The following CSMD1 variants were observed in gnomAD, a reference collection of about 807,000 sequenced individuals.
The protein encoded by CSMD1 is CUB and sushi domain-containing protein 1.
A neutral mutation model predicts 417.5 loss-of-function variants in CSMD1; 213 were observed. That is an observed-to-expected ratio of 0.51 (90% confidence interval 0.46 to 0.57). The LOEUF (loss-of-function observed/expected upper bound fraction) is 0.57. CSMD1 is among the 20% of genes least tolerant of loss of function. The pLI, the probability that CSMD1 is intolerant of heterozygous loss-of-function variation, is 0.00. For missense variants in CSMD1, 6,923 were observed against 4,529.7 expected, an observed-to-expected ratio of 1.53 and a Z score of -15.17; for synonymous variants, 2,862 against 1,736.8, an observed-to-expected ratio of 1.65 and a Z score of -16.11.
At chr8:3,488,514 G>C (rs1405646627) in intron 11 of CSMD1, among the ~76,000 whole-genome samples, 2 of 152,148 alleles carry the variant, frequency 1.3e-5, no homozygotes, top group South Asian at 2.1e-4. Flanking sequence ...AAAATTTATA[G>C]CAGTATTAGC....
At chr8:3,755,642 T>C (rs1797616219) in intron 5 of CSMD1, among the ~76,000 whole-genome samples, 1 of 152,076 alleles carries the variant, frequency 6.6e-6, no homozygotes, top group Non-Finnish European at 1.5e-5. Context: ...ACTTATTCTA[T>C]TACCTGGAAG....
chr8:3,544,423 G>A (rs1798571000), intron 10 of CSMD1, among the ~76,000 whole-genome samples: 1 of 152,068 alleles, frequency 6.6e-6, no homozygotes, highest in African/African-American at 2.4e-5. Flanking sequence ...TACCTGGGAT[G>A]GAGGCGTTCT....
At chr8:3,601,378 G>T (rs550285223) in intron 8 of CSMD1, among the ~76,000 whole-genome samples, 2 of 152,262 alleles carry the variant, frequency 1.3e-5, no homozygotes, top group South Asian at 2.1e-4. Context: ...CAACGATGAG[G>T]TTTCCATATA....
At chr8:4,973,177 T>C (rs976613277) in intron 1 of CSMD1, among the ~76,000 whole-genome samples, 2 of 152,062 alleles carry the variant, frequency 1.3e-5, no homozygotes, top group Non-Finnish European at 1.5e-5. Flanking sequence ...TGCAGAACAC[T>C]TTATTACTTT....
chr8:3,994,002 G>A, intron 5 of CSMD1, among the ~76,000 whole-genome samples: 1 of 152,142 alleles, frequency 6.6e-6, no homozygotes, highest in East Asian at 1.9e-4. Context: ...CAAGGGGATG[G>A]GCGTGCCTGG....
At chr8:3,625,541 A>T (rs977820179) in intron 7 of CSMD1, among the ~76,000 whole-genome samples, 8 of 152,206 alleles carry the variant, frequency 5.3e-5, no homozygotes, top group African/African-American at 1.4e-4. Flanking sequence ...CTGGTCTCTA[A>T]CTCAACTGCC....
intron 2 of CSMD1, among the ~76,000 whole-genome samples, chr8:4,426,584 G>A (rs1297088273): frequency 2.1e-5 from 3 of 141,212 alleles, no homozygotes; most frequent in African/African-American, 2.6e-5. Context: ...TACACAGTAT[G>A]TGCAGTATAG....
chr8:4,053,775 G>C (rs1331937256), intron 3 of CSMD1, among the ~76,000 whole-genome samples: 6 of 152,118 alleles, frequency 3.9e-5, no homozygotes, highest in Non-Finnish European at 5.9e-5. Flanking sequence ...TGGGGGCTTA[G>C]ATTAGAGAAT....
At chr8:4,963,199 TTTAC>T (rs111763161) in intron 1 of CSMD1, among the ~76,000 whole-genome samples, 1 of 152,248 alleles carries the variant, frequency 6.6e-6, no homozygotes, top group African/African-American at 2.4e-5. Flanking sequence ...ACTTTATTTA[TTTAC>T]TTATTTATTT....
chr8:4,662,768 C>T (rs1253593414), intron 1 of CSMD1, among the ~76,000 whole-genome samples: 2 of 152,166 alleles, frequency 1.3e-5, no homozygotes, highest in South Asian at 2.1e-4. Flanking sequence ...GGATGATGCT[C>T]ACATTCCTTT....
intron 10 of CSMD1, among the ~76,000 whole-genome samples, chr8:3,560,229 A>G (rs575095862): frequency 1.4e-4 from 22 of 152,330 alleles, no homozygotes; most frequent in African/African-American, 4.6e-4. Flanking sequence ...AAGAAATTAT[A>G]TTAATAGAAG....
At chr8:4,465,778 A>G (rs1018671162) in intron 2 of CSMD1, among the ~76,000 whole-genome samples, 7 of 152,144 alleles carry the variant, frequency 4.6e-5, no homozygotes, top group African/African-American at 1.4e-4. Flanking sequence ...CACCTCTGAG[A>G]ATGGGGGTGG....
intron 5 of CSMD1, among the ~76,000 whole-genome samples, chr8:3,940,451 C>T (rs1373839676): frequency 6.6e-6 from 1 of 150,850 alleles, no homozygotes; most frequent in East Asian, 1.9e-4. Context: ...ACATAAGCAC[C>T]TTTCAAAATA....
intron 7 of CSMD1, among the ~76,000 whole-genome samples, chr8:3,626,645 T>C (rs1447424241): frequency 6.6e-6 from 1 of 151,556 alleles, no homozygotes; most frequent in African/African-American, 2.4e-5. Flanking sequence ...TCTTTTTGAT[T>C]ATAGTTCATT....
chr8:4,384,731 A>C (rs913914363), intron 3 of CSMD1, among the ~76,000 whole-genome samples: 1 of 152,166 alleles, frequency 6.6e-6, no homozygotes, highest in African/African-American at 2.4e-5. Flanking sequence ...CACTCTATGG[A>C]GCAATGTTGT....
chr8:3,913,059 A>G (rs1203786401), intron 5 of CSMD1, among the ~76,000 whole-genome samples: 1 of 152,138 alleles, frequency 6.6e-6, no homozygotes, highest in African/African-American at 2.4e-5. Context: ...GCAGGGCAAC[A>G]TGGCAGCACT....
At chr8:3,945,400 T>C (rs1811155612) in intron 5 of CSMD1, among the ~76,000 whole-genome samples, 2 of 152,082 alleles carry the variant, frequency 1.3e-5, no homozygotes, top group Admixed American at 1.3e-4. Context: ...ATGAACGGCT[T>C]AACTTTTTTG....
At chr8:4,620,810 G>C (rs764576874) in intron 2 of CSMD1, among the ~76,000 whole-genome samples, 1 of 151,754 alleles carries the variant, frequency 6.6e-6, no homozygotes, top group Non-Finnish European at 1.5e-5. Flanking sequence ...AGCCAAATTA[G>C]TGACTTTATA....
intron 2 of CSMD1, among the ~76,000 whole-genome samples, chr8:4,460,319 G>T (rs13254545): frequency 0.31 from 47,552 of 151,576 alleles, 7,673 homozygotes; most frequent in Middle Eastern, 0.37. Flanking sequence ...CAAAATGTAT[G>T]AAATGCAACT....
Sources: allele counts gnomAD v4.1 joint callset (sites outside exome capture counted in the v4.1 genomes callset), GRCh38; gene constraint gnomAD v4.1.1; transcripts MANE v1.5; gene names NCBI Gene and HGNC (gene_info 2026-07-23, HGNC 2026-07-21).